CNTN4: variants seen among roughly 807,000 people sequenced by gnomAD.
CNTN4 encodes the protein contactin-4.
CNTN4 carries 77 observed loss-of-function variants against 122.5 expected under a neutral mutation model. The ratio of observed to expected loss-of-function variants is 0.63; its 90% CI spans 0.52 to 0.76. CNTN4 has a LOEUF of 0.76. CNTN4 is among the 30% of genes least tolerant of loss of function. CNTN4 has a pLI of 0.00. For synonymous variants in CNTN4, 512 were observed against 447.0 expected, an observed-to-expected ratio of 1.15 and a Z score of -1.83; for missense variants, 1,256 against 1,259.1, an observed-to-expected ratio of 1.00 and a Z score of 0.04.
chr3:2,126,193 A>T (rs577727463), intron 2 of CNTN4, among the ~76,000 whole-genome samples: 1 of 152,242 alleles, frequency 6.6e-6, no homozygotes, highest in Non-Finnish European at 1.5e-5. Context: ...CTAACCGCTT[A>T]AAATCTAGAA....
intron 14 of CNTN4, among the ~76,000 whole-genome samples, chr3:3,003,684 CAAAAAAAAAAAAAAAA>C (rs58290160): frequency 2.6e-5 from 2 of 76,966 alleles, no homozygotes; most frequent in Non-Finnish European, 5.2e-5. Flanking sequence ...ATGGTTGCAC[CAAAAAAAAAAAAAAAA>C]AAAAAAAAAA....
At chr3:3,055,873 C>T (rs1701737562) in intron 24 of CNTN4, among the ~76,000 whole-genome samples, 1 of 152,156 alleles carries the variant, frequency 6.6e-6, no homozygotes, top group South Asian at 2.1e-4. Context: ...ATTGAAGTTT[C>T]TTCTCACATT....
chr3:2,817,255 C>G (rs1047046973), intron 6 of CNTN4, among the ~76,000 whole-genome samples: 3 of 152,152 alleles, frequency 2.0e-5, no homozygotes, highest in East Asian at 1.9e-4. Flanking sequence ...ATACTTGAAA[C>G]AAAGAACATT....
At chr3:2,277,849 AT>A (rs2041574648) in intron 2 of CNTN4, among the ~76,000 whole-genome samples, 1 of 152,148 alleles carries the variant, frequency 6.6e-6, no homozygotes, top group Non-Finnish European at 1.5e-5. Context: ...TATTTATTGA[AT>A]TTATCTGTCA....
chr3:2,612,033 G>C (rs4607094), intron 4 of CNTN4, among the ~76,000 whole-genome samples: 104,548 of 151,432 alleles, frequency 0.69, 36,850 homozygotes, highest in African/African-American at 0.76. Context: ...ATTTTAATGG[G>C]TAAAAATAAC....
At position 2,138,938 on chromosome 3, in the gene CNTN4, A is replaced by G. The variant is rs141478000; in HGVS notation, c.-145+38299A>G. Among the ~76,000 whole-genome samples the G allele has an allele frequency of 4.5e-3, 688 of 152,260 alleles. 6 individuals carry two copies. The highest frequency in any genetic ancestry group is 0.02 in the Middle Eastern group (6 of 294). On this transcript the variant is annotated intron_variant, in intron 2 of 24. Transcript: ENST00000418658. ...TTCTTTCTCTGGAGAGCTCTGACTA[A>G]TAGAGTAGCCAAAGCAAAGACAGTT...
Position 2,287,652 on chromosome 3 carries a change from GA to G in CNTN4, c.-144-51524del, listed in dbSNP as rs1559415297. Among the ~76,000 whole-genome samples the G allele has an allele frequency of 2.5e-3, 56 of 22,570 alleles. 1 individual carries two copies. Among genetic ancestry groups the G allele is most frequent in the African/African-American group, 6.5e-3 (55 of 8,404 alleles). 14.8% of individuals were successfully genotyped at this position (22,570 alleles called of 152,430 possible). ...AGAAGGAGAAGAAGAAGAAGAAGAAGAAGAAGAAGAAGAAGAAGAAGAAGAA... is the reference window on the plus strand; with the variant it reads ...AGAAGGAGAAGAAGAAGAAGAAGAAGAGAAGAAGAAGAAGAAGAAGAAGAA... On this transcript the variant is annotated intron_variant, in intron 2 of 24. Coordinates refer to ENST00000418658, the MANE Select transcript of CNTN4 (RefSeq NM_175607.3).
At chr3:2,652,861 T>A (rs2083427212) in intron 4 of CNTN4, among the ~76,000 whole-genome samples, 1 of 152,192 alleles carries the variant, frequency 6.6e-6, no homozygotes, top group South Asian at 2.1e-4. Flanking sequence ...GGATCTTTTC[T>A]TTTGGAATTT....
chr3:3,043,609 G>T lies in CNTN4; in HGVS notation c.2716G>T (p.Gly906Ter). ...TRKPPPSQPP[G>*]NIIWNSSDSK... ...TTTTATAGCACCAAGTCAACCCCCC[G>T]GAAACATCATATGGAATTCATCAGA... is the stretch of plus-strand genomic sequence containing the variant. Residue 906 changes from glycine to a stop codon, truncating the protein, a stop_gained, in exon 23 of 25, where the codon GGA becomes TGA. Transcript: ENST00000418658. LOFTEE classifies it high-confidence loss of function. 1 of 1,613,556 alleles carries T rather than the reference G, an allele frequency of 6.2e-7. No individual in the cohort carries two copies. The highest frequency in any genetic ancestry group is 1.3e-5 in the African/African-American group (1 of 74,980).
intron 2 of CNTN4, among the ~76,000 whole-genome samples, chr3:2,191,536 G>T (rs934488667): frequency 6.6e-6 from 1 of 151,926 alleles, no homozygotes; most frequent in Non-Finnish European, 1.5e-5. Context: ...CCGCCACTAG[G>T]TTGATCCCTC....
At chr3:2,204,298 ATACCTTCAACTC>A (rs1181126209) in intron 2 of CNTN4, among the ~76,000 whole-genome samples, 1 of 152,202 alleles carries the variant, frequency 6.6e-6, no homozygotes, top group South Asian at 2.1e-4. Context: ...CAAACATTCA[ATACCTTCAACTC>A]TTAACAATGA....
At chr3:2,174,391 C>T (rs1415054195) in intron 2 of CNTN4, among the ~76,000 whole-genome samples, 2 of 152,140 alleles carry the variant, frequency 1.3e-5, no homozygotes, top group Admixed American at 6.5e-5. Flanking sequence ...ATTTATTTCT[C>T]AAAATTCTGG....
intron 2 of CNTN4, among the ~76,000 whole-genome samples, chr3:2,155,162 A>T (rs1484896183): frequency 6.6e-6 from 1 of 152,208 alleles, no homozygotes; most frequent in Non-Finnish European, 1.5e-5. Flanking sequence ...TCTTCTCATT[A>T]TGTTCAGAAA....
rs544122059 is a variant in CNTN4 at position 2,617,185 on chromosome 3, A to G, written c.55+45627A>G. The stretch of plus-strand genomic sequence containing the variant: ...GAGCTTCTGCACAGCAAAATAAACT[A>G]TCATCAGAGTGAATAGGCAACCTAC... On this transcript the variant is annotated intron_variant, in intron 4 of 24. Coordinates refer to ENST00000418658, the MANE Select transcript of CNTN4 (RefSeq NM_175607.3). 7.2e-5 allele frequency among the ~76,000 whole-genome samples: 11 copies of G among 152,286 alleles called. No individual in the cohort carries two copies. In the South Asian group the frequency reaches 2.1e-3, roughly 29 times the overall value.
In CNTN4 at chr3:2,444,736, T is replaced by G. The variant is rs922731761; in HGVS notation, c.-89+105503T>G. 2.2e-3 allele frequency among the ~76,000 whole-genome samples: 314 copies of G among 145,570 alleles called. 2 individuals carry two copies. Among genetic ancestry groups the G allele is most frequent in the African/African-American group, 8.4e-3 (309 of 36,932 alleles). ...AGCCTAGTACTGAATAAATATTGGC[T>G]GGCTGGCTGGCTGGCTGGCTGGCTG... On this transcript the variant is annotated intron_variant, in intron 3 of 24. Transcript: ENST00000418658.
chr3:2,983,163 G>A (rs1033168522), intron 13 of CNTN4, among the ~76,000 whole-genome samples: 6 of 123,316 alleles, frequency 4.9e-5, no homozygotes, highest in African/African-American at 9.1e-5. Context: ...GCAGTGAGCC[G>A]AGATCGCAGC....
intron 2 of CNTN4, among the ~76,000 whole-genome samples, chr3:2,140,679 G>T (rs977232050): frequency 1.3e-5 from 2 of 152,144 alleles, no homozygotes; most frequent in Non-Finnish European, 2.9e-5. Flanking sequence ...AATTTTGGGG[G>T]AACATAAACA....
At position 2,120,183 on chromosome 3, in the gene CNTN4, G is replaced by C. The variant is rs377516985; in HGVS notation, c.-145+19544G>C. 1.1e-4 allele frequency among the ~76,000 whole-genome samples: 17 copies of C among 151,412 alleles called. No homozygotes were observed. In the East Asian group the frequency reaches 2.7e-3, roughly 24 times the overall value. ...GCCTTAGACTAAGCTGAGTGAAGGGGGCTCTAAATAGAATCATATAGGAGA... is the reference window on the plus strand; with the variant it reads ...GCCTTAGACTAAGCTGAGTGAAGGGCGCTCTAAATAGAATCATATAGGAGA... On this transcript the variant is annotated intron_variant, in intron 2 of 24. Transcript: ENST00000418658.
chr3:2,268,064 G>A (rs2041126435), intron 2 of CNTN4, among the ~76,000 whole-genome samples: 1 of 152,102 alleles, frequency 6.6e-6, no homozygotes, highest in African/African-American at 2.4e-5. Flanking sequence ...CAATGTTTTT[G>A]ACCTGAAGAT....
Sources: allele counts gnomAD v4.1 joint callset (sites outside exome capture counted in the v4.1 genomes callset), GRCh38; gene constraint gnomAD v4.1.1; transcripts MANE v1.5; gene names NCBI Gene and HGNC (gene_info 2026-07-23, HGNC 2026-07-21).